The following DPP10 variants were observed in gnomAD, a reference collection of about 807,000 sequenced individuals.
The protein encoded by DPP10 is dipeptidyl peptidase like 10.
DPP10 carries 33 observed loss-of-function variants against 120.9 expected under a neutral mutation model. The ratio of observed to expected loss-of-function variants is 0.27; its 90% CI spans 0.21 to 0.37. DPP10 has a LOEUF of 0.37. Among genes scored for constraint, DPP10 ranks in the 10% least tolerant of loss-of-function variants. The probability of loss-of-function intolerance (pLI) is 1.00; values close to 1 mark genes in which losing one functional copy is unlikely to be tolerated. For missense variants in DPP10, 816 were observed against 942.8 expected, an observed-to-expected ratio of 0.87 and a Z score of 1.76; for synonymous variants, 337 against 326.1, an observed-to-expected ratio of 1.03 and a Z score of -0.36.
At chr2:115,651,760 GTTA>G (rs2087798670) in intron 5 of DPP10, among the ~76,000 whole-genome samples, 1 of 152,044 alleles carries the variant, frequency 6.6e-6, no homozygotes, top group Non-Finnish European at 1.5e-5. Flanking sequence ...ATACTGAAAA[GTTA>G]TTGTAAAGAG....
chr2:115,389,424 T>A (rs765071143), intron 3 of DPP10, among the ~76,000 whole-genome samples: 28 of 152,220 alleles, frequency 1.8e-4, no homozygotes, highest in Non-Finnish European at 1.9e-4. Context: ...TTAATTTGTT[T>A]AATTTTGTTT....
chr2:114,887,119 C>T (rs143809039), intron 1 of DPP10, among the ~76,000 whole-genome samples: 2 of 152,284 alleles, frequency 1.3e-5, no homozygotes, highest in East Asian at 1.9e-4. Flanking sequence ...ATTCCCCAGG[C>T]TCTCCCTTAT....
chr2:114,786,678 C>A (rs1016798736), intron 1 of DPP10, among the ~76,000 whole-genome samples: 1 of 152,174 alleles, frequency 6.6e-6, no homozygotes, highest in East Asian at 1.9e-4. Context: ...GTGTTTTAAT[C>A]GTATTAAAAG....
intron 5 of DPP10, among the ~76,000 whole-genome samples, chr2:115,618,332 G>C (rs966301870): frequency 6.6e-6 from 1 of 152,130 alleles, no homozygotes; most frequent in Non-Finnish European, 1.5e-5. Flanking sequence ...GAACTATCTT[G>C]GTTGCAAAAG....
At chr2:114,596,924 A>G (rs1691958271) in intron 1 of DPP10, among the ~76,000 whole-genome samples, 2 of 152,088 alleles carry the variant, frequency 1.3e-5, no homozygotes, top group Non-Finnish European at 2.9e-5. Context: ...TGTTATATGT[A>G]GCCATTGTCC....
intron 1 of DPP10, among the ~76,000 whole-genome samples, chr2:114,462,859 C>G (rs13420194): frequency 0.12 from 18,995 of 152,120 alleles, 2,811 homozygotes; most frequent in African/African-American, 0.36. Context: ...TCCTCTTCTC[C>G]CACCCCCTGT....
intron 3 of DPP10, among the ~76,000 whole-genome samples, chr2:115,376,752 C>T (rs2065834069): frequency 6.8e-6 from 1 of 147,822 alleles, no homozygotes; most frequent in South Asian, 2.2e-4. Context: ...CTTCCTGTGT[C>T]CATGTGTTCT....
chr2:115,722,168 A>G (rs1437095325), intron 7 of DPP10, among the ~76,000 whole-genome samples: 1 of 152,092 alleles, frequency 6.6e-6, no homozygotes, highest in African/African-American at 2.4e-5. Flanking sequence ...TAAGCTCTAG[A>G]GATCAGCTGG....
intron 5 of DPP10, among the ~76,000 whole-genome samples, chr2:115,661,624 G>A (rs2088981684): frequency 6.6e-6 from 1 of 152,114 alleles, no homozygotes; most frequent in Admixed American, 6.5e-5. Flanking sequence ...TCATGGTGTG[G>A]TTTCAGCCAA....
At chr2:115,353,276 T>C (rs140021822) in intron 3 of DPP10, among the ~76,000 whole-genome samples, 88 of 152,218 alleles carry the variant, frequency 5.8e-4, no homozygotes, top group African/African-American at 1.8e-3. Context: ...GGATGTGTTA[T>C]GACAAAATCA....
At chr2:115,218,841 ATTGTTT>A (rs1327862936) in intron 1 of DPP10, among the ~76,000 whole-genome samples, 1 of 152,096 alleles carries the variant, frequency 6.6e-6, no homozygotes, top group Non-Finnish European at 1.5e-5. Context: ...TACTGAATTA[ATTGTTT>A]TTAATTGAAG....
chr2:115,206,614 A>G (rs1180495952), intron 1 of DPP10, among the ~76,000 whole-genome samples: 1 of 152,198 alleles, frequency 6.6e-6, no homozygotes, highest in African/African-American at 2.4e-5. Flanking sequence ...TATTAAACCA[A>G]ATAAATGAGT....
chr2:114,482,997 G>A (rs1174534280), intron 1 of DPP10, among the ~76,000 whole-genome samples: 1 of 152,138 alleles, frequency 6.6e-6, no homozygotes, highest in African/African-American at 2.4e-5. Flanking sequence ...ACAAGTTAAT[G>A]AAACAAATTA....
intron 1 of DPP10, among the ~76,000 whole-genome samples, chr2:114,915,248 A>T (rs939365356): frequency 3.9e-5 from 6 of 152,236 alleles, no homozygotes. Flanking sequence ...GCCAAAAATG[A>T]TCAAAAAAGA....
chr2:115,562,919 G>A (rs1176325244), intron 5 of DPP10, among the ~76,000 whole-genome samples: 2 of 152,328 alleles, frequency 1.3e-5, no homozygotes, highest in Non-Finnish European at 2.9e-5. Flanking sequence ...AGTGATCAGA[G>A]ATTAGGTAAT....
rs536220379 is a variant in DPP10 at position 115,343,225 on chromosome 2, T to A, written c.176-592T>A. 1.5e-3 allele frequency among the ~76,000 whole-genome samples: 229 copies of A among 152,348 alleles called. 1 individual carries two copies. Among genetic ancestry groups the A allele is most frequent in the African/African-American group, 5.3e-3 (219 of 41,604 alleles). On this transcript the variant is annotated intron_variant, in intron 2 of 25. Transcript: ENST00000410059. ...CTAGCTTATCTATAAAAGACTAGTA[T>A]GAAATGTGTGTATTATCATTAATAT...
chr2:115,178,927 G>A (rs1175606982), intron 1 of DPP10, among the ~76,000 whole-genome samples: 1 of 152,194 alleles, frequency 6.6e-6, no homozygotes, highest in African/African-American at 2.4e-5. Context: ...TCTACTGGAT[G>A]TGTATGGCTT....
At chr2:115,360,771 G>A (rs1432135742) in intron 3 of DPP10, among the ~76,000 whole-genome samples, 1 of 152,182 alleles carries the variant, frequency 6.6e-6, no homozygotes, top group Non-Finnish European at 1.5e-5. Context: ...TAGTCCCCTA[G>A]GGGCCTGCTA....
chr2:115,744,817 T>G (rs1397727583), intron 9 of DPP10, among the ~76,000 whole-genome samples: 1 of 150,460 alleles, frequency 6.6e-6, no homozygotes. Flanking sequence ...TTTAAATCAG[T>G]TTTATTCCCT....
Sources: gnomAD v4.1 joint callset for allele counts (sites outside exome capture counted in the v4.1 genomes callset) on GRCh38, gnomAD v4.1.1 for gene constraint, MANE v1.5 for transcripts, NCBI Gene and HGNC (gene_info 2026-07-23, HGNC 2026-07-21) for gene names.